The following SMU1 variants were observed in gnomAD, a reference collection of about 807,000 sequenced individuals.
The protein encoded by SMU1 is WD40 repeat-containing protein SMU1.
In SMU1, 2 loss-of-function variants were observed where a neutral mutation model predicts 62.0. That is an observed-to-expected ratio of 0.03 (90% CI 0.01 to 0.10). SMU1 has a LOEUF of 0.10. SMU1 is among the 10% of genes least tolerant of loss of function. The pLI, the probability that SMU1 is intolerant of heterozygous loss-of-function variation, is 1.00. For synonymous variants in SMU1, 188 were observed against 212.4 expected (o/e 0.89, Z 1.00); for missense variants, 227 against 622.1 (o/e 0.36, Z 6.76).
intron 3 of SMU1, among the ~76,000 whole-genome samples, 188 bp downstream of exon 3, chr9:33,071,552 T>C (rs1447664316): frequency 6.6e-6 from 1 of 151,540 alleles, no homozygotes; most frequent in Non-Finnish European, 1.5e-5. Context: ...ATCAGAAAAC[T>C]GAACAAAATT....
intron 9 of SMU1, among the ~76,000 whole-genome samples, chr9:33,053,914 C>A (rs1003067967): frequency 2.0e-5 from 3 of 152,182 alleles, no homozygotes; most frequent in African/African-American, 7.2e-5. Flanking sequence ...ATAGAGCTCT[C>A]TCTCTTTAAA....
Position 33,057,077 on chromosome 9 carries a change from A to G in SMU1, c.868-113T>C, listed in dbSNP as rs1839312331. On this transcript the variant is annotated intron_variant, in intron 7 of 11. Coordinates refer to ENST00000397149, the MANE Select transcript of SMU1 (RefSeq NM_018225.3). ...TCACTAATGTACTGAAACAGCATTAAAAATGCACGCTAATAGCTGAATATG... is the reference window on the plus strand; with the variant it reads ...TCACTAATGTACTGAAACAGCATTAGAAATGCACGCTAATAGCTGAATATG... 3 of 1,079,092 alleles carry G rather than the reference A, an allele frequency of 2.8e-6. No individual in the cohort carries two copies. The South Asian group carries it at 4.6e-5, about 16-fold the overall frequency. The allele number at this position is 1,079,092 out of a possible 1,614,324, so 66.8% of individuals were successfully genotyped here.
Position 33,048,271 on chromosome 9 carries a change from A to G in SMU1, c.1291-13T>C. The G allele has an allele frequency of 6.2e-7, 1 of 1,613,284 alleles. No homozygotes were observed. Among genetic ancestry groups the G allele is most frequent in the Non-Finnish European group, 8.5e-7 (1 of 1,179,736 alleles). On this transcript the variant is annotated splice_polypyrimidine_tract_variant and intron_variant, in intron 10 of 11. Transcript: ENST00000397149. ...AGCTTCTGACAATCTAGATCACACC[A>G]CACCCCAAGAAAAAAACATCAGGAT...
At chr9:33,065,249 C>G (rs1839406944) in intron 4 of SMU1, among the ~76,000 whole-genome samples, 1 of 152,174 alleles carries the variant, frequency 6.6e-6, no homozygotes, top group African/African-American at 2.4e-5. Flanking sequence ...TTTCCCCTAT[C>G]CCTAGTTTCT....
chr9:33,071,544 C>G (rs1457590753), intron 3 of SMU1, among the ~76,000 whole-genome samples, 196 bp downstream of exon 3: 3 of 151,730 alleles, frequency 2.0e-5, no homozygotes, highest in African/African-American at 7.3e-5. Flanking sequence ...CTCAAATAAT[C>G]AGAAAACTGA....
chr9:33,049,292 C>T (rs1389084996), intron 10 of SMU1, among the ~76,000 whole-genome samples: 1 of 152,186 alleles, frequency 6.6e-6, no homozygotes, highest in Non-Finnish European at 1.5e-5. Flanking sequence ...CCCAGAAATA[C>T]ACTCAACTGA....
chr9:33,048,348 T>C, intron 10 of SMU1, 90 bp from the exon 11 acceptor site: 6 of 1,519,504 alleles, frequency 3.9e-6, no homozygotes, highest in South Asian at 3.7e-5. Flanking sequence ...TTTACGTTGT[T>C]ATTTTGCACT....
At chr9:33,057,577 G>T in intron 7 of SMU1, 21 bp downstream of exon 7, 1 of 1,612,348 alleles carries the variant, frequency 6.2e-7, no homozygotes, top group Non-Finnish European at 8.5e-7. Flanking sequence ...ACATATGAGA[G>T]GCTGTGGCAC....
At chr9:33,061,803 T>G (rs1404719069) in intron 5 of SMU1, among the ~76,000 whole-genome samples, 1 of 152,172 alleles carries the variant, frequency 6.6e-6, no homozygotes, top group Non-Finnish European at 1.5e-5. Context: ...TGGGAAGAAG[T>G]GCAAGGGCAG....
chr9:33,075,389 G>A (rs1839534979), intron 1 of SMU1, among the ~76,000 whole-genome samples: 1 of 151,452 alleles, frequency 6.6e-6, no homozygotes, highest in Non-Finnish European at 1.5e-5. Flanking sequence ...AAAAAAAAAA[G>A]GGAACTGATT....
At chr9:33,075,708 C>A (rs1469367734) in intron 1 of SMU1, among the ~76,000 whole-genome samples, 1 of 152,144 alleles carries the variant, frequency 6.6e-6, no homozygotes, top group Non-Finnish European at 1.5e-5. Flanking sequence ...TCAGTATTTG[C>A]TGAATGCATA....
At chr9:33,055,336 C>A (rs1478753574) in intron 9 of SMU1, among the ~76,000 whole-genome samples, 1 of 152,122 alleles carries the variant, frequency 6.6e-6, no homozygotes, top group African/African-American at 2.4e-5. Context: ...GCCACCACCC[C>A]TGGCTGTCTG....
At chr9:33,065,245 CT>C (rs1197706238) in intron 4 of SMU1, among the ~76,000 whole-genome samples, 1 of 152,172 alleles carries the variant, frequency 6.6e-6, no homozygotes. Flanking sequence ...ATCATTTCCC[CT>C]ATCCCTAGTT....
At chr9:33,050,044 C>T (rs934270094) in intron 10 of SMU1, among the ~76,000 whole-genome samples, 3 of 152,306 alleles carry the variant, frequency 2.0e-5, no homozygotes, top group Non-Finnish European at 4.4e-5. Context: ...ACAAAAAACT[C>T]TTAAAACTCA....
At chr9:33,068,035 T>C (rs1839442168) in intron 4 of SMU1, among the ~76,000 whole-genome samples, 1 of 152,182 alleles carries the variant, frequency 6.6e-6, no homozygotes, top group South Asian at 2.1e-4. Flanking sequence ...CCATTTACTA[T>C]TTACAAGGTG....
chr9:33,044,454 G>C lies in SMU1; in HGVS notation c.*2839C>G, dbSNP rs904395074. ...ACCTCCGACCACCCGGAGCAGCGGC[G>C]CCCCAGATCCGGCCGTCCGCCCTGC... On this transcript the variant is annotated 3_prime_UTR_variant, in exon 12 of 12. Transcript: ENST00000397149. 2 of 152,362 alleles carry C rather than the reference G, an allele frequency of 1.3e-5. No homozygotes were observed. The highest frequency in any genetic ancestry group is 4.8e-5 in the African/African-American group (2 of 41,450). 9.4% of individuals were successfully genotyped at this position (152,362 alleles called of 1,614,324 possible). A position where few individuals can be genotyped will look rare whatever the true frequency, so the allele number is the denominator to read the frequency against.
At chr9:33,050,313 G>A (rs1839228669) in intron 10 of SMU1, among the ~76,000 whole-genome samples, 1 of 152,198 alleles carries the variant, frequency 6.6e-6, no homozygotes, top group East Asian at 1.9e-4. Flanking sequence ...CATCCATTTT[G>A]GAACAGTTTG....
intron 6 of SMU1, among the ~76,000 whole-genome samples, 191 bp downstream of exon 6, chr9:33,060,274 C>T (rs1839348735): frequency 6.6e-6 from 1 of 152,234 alleles, no homozygotes; most frequent in East Asian, 1.9e-4. Context: ...CTGCCTCAGC[C>T]TCCTCAGTAG....
Position 33,061,922 on chromosome 9 carries a change from A to G in SMU1, c.630+127T>C, listed in dbSNP as rs1839366271. ...CAGTGGACACCTGCAGCAACCTTGA[A>G]TATTGTCAGAGCTGGAGAATGAGTT... On this transcript the variant is annotated intron_variant, in intron 5 of 11. Transcript: ENST00000397149. The G allele has an allele frequency of 9.8e-6, 10 of 1,020,714 alleles. No homozygotes were observed. The South Asian group carries it at 1.1e-4, about 12-fold the overall frequency. 63.2% of individuals were successfully genotyped at this position (1,020,714 alleles called of 1,614,324 possible).
Sources: gnomAD v4.1 joint callset for allele counts (sites outside exome capture counted in the v4.1 genomes callset) on GRCh38, gnomAD v4.1.1 for gene constraint, MANE v1.5 for transcripts, NCBI Gene and HGNC (gene_info 2026-07-23, HGNC 2026-07-21) for gene names.